The following ZNF407 variants were observed in gnomAD, a reference collection of about 807,000 sequenced individuals.
The protein encoded by ZNF407 is zinc finger protein 407.
Under a neutral mutation model 131.2 loss-of-function variants are expected in ZNF407, and 17 were observed. The ratio of observed to expected loss-of-function variants is 0.13; its 90% CI spans 0.09 to 0.19. ZNF407 has a LOEUF of 0.19. Among genes scored for constraint, ZNF407 ranks in the 10% least tolerant of loss-of-function variants. The pLI is 1.00. For synonymous variants in ZNF407, 1,156 were observed against 1,062.0 expected, an observed-to-expected ratio of 1.09 and a Z score of -1.72; for missense variants, 2,681 against 2,830.6, an observed-to-expected ratio of 0.95 and a Z score of 1.20.
chr18:75,042,120 G>A (rs1973380911), intron 8 of ZNF407, among the ~76,000 whole-genome samples: 1 of 148,342 alleles, frequency 6.7e-6, no homozygotes, highest in Non-Finnish European at 1.5e-5. Context: ...CAGCTAATCT[G>A]GAACTCCTGG....
Position 75,064,223 on chromosome 18 carries a change from A to G in ZNF407, c.6502A>G (p.Thr2168Ala). ...CAGTGGCGGCTTCTCCGAGGGCACCACGCACTACATCCTGACAGAGCTGCC... is the reference window on the plus strand; with the variant it reads ...CAGTGGCGGCTTCTCCGAGGGCACCGCGCACTACATCCTGACAGAGCTGCC... ...ESSGGFSEGT[T>A]HYILTELPPG... Residue 2168 changes from threonine (T) to alanine (A), a missense_variant, in exon 9 of 9, where the codon ACG becomes GCG. Thr to Ala is a moderately conservative substitution (Grantham distance 58, BLOSUM62 0). Transcript: ENST00000299687. The G allele has an allele frequency of 6.2e-7, 1 of 1,607,014 alleles. No individual in the cohort carries two copies. Among genetic ancestry groups the G allele is most frequent in the Non-Finnish European group, 8.5e-7 (1 of 1,178,302 alleles).
At chr18:74,746,513 T>C (rs1968671969) in intron 3 of ZNF407, among the ~76,000 whole-genome samples, 1 of 152,188 alleles carries the variant, frequency 6.6e-6, no homozygotes, top group Admixed American at 6.5e-5. Context: ...CTTATATCCA[T>C]ATAAGAATGA....
intron 1 of ZNF407, among the ~76,000 whole-genome samples, chr18:74,617,544 A>G (rs1368320053): frequency 6.6e-6 from 1 of 151,930 alleles, no homozygotes; most frequent in Non-Finnish European, 1.5e-5. Flanking sequence ...AGTTCCCTCC[A>G]CCTTTTTTCT....
chr18:74,760,535 G>A (rs774503727), intron 3 of ZNF407, among the ~76,000 whole-genome samples: 4 of 152,112 alleles, frequency 2.6e-5, no homozygotes, highest in Non-Finnish European at 5.9e-5. Context: ...GACAGCTATG[G>A]TGGTAAACAG....
At chr18:74,731,165 T>G (rs1968285674) in intron 3 of ZNF407, among the ~76,000 whole-genome samples, 1 of 152,210 alleles carries the variant, frequency 6.6e-6, no homozygotes, top group Admixed American at 6.5e-5. Context: ...TAGCAATTTA[T>G]GTAAAAATAA....
At chr18:75,010,405 G>C (rs2122179298) in intron 8 of ZNF407, among the ~76,000 whole-genome samples, 1 of 152,228 alleles carries the variant, frequency 6.6e-6, no homozygotes, top group Middle Eastern at 3.4e-3. Flanking sequence ...TCACTCCAGG[G>C]TCATGTGTAC....
chr18:74,748,984 T>A (rs745898029), intron 3 of ZNF407, among the ~76,000 whole-genome samples: 6 of 152,086 alleles, frequency 3.9e-5, no homozygotes, highest in Non-Finnish European at 8.8e-5. Flanking sequence ...TTCATCAAAG[T>A]AATGAGGCGA....
At chr18:74,881,204 T>A (rs1447606997) in intron 6 of ZNF407, 85 bp downstream of exon 6, 2 of 1,251,594 alleles carry the variant, frequency 1.6e-6, no homozygotes, top group African/African-American at 3.0e-5. Flanking sequence ...CATCATTTAC[T>A]TTCCTTTTTA....
At chr18:74,747,751 C>T (rs568494538) in intron 3 of ZNF407, among the ~76,000 whole-genome samples, 261 of 152,192 alleles carry the variant, frequency 1.7e-3, no homozygotes, top group African/African-American at 6.1e-3. Flanking sequence ...CTCATATTAT[C>T]CTATCTCTTA....
intron 8 of ZNF407, among the ~76,000 whole-genome samples, chr18:75,001,116 C>T (rs1253061904): frequency 6.6e-6 from 1 of 152,128 alleles, no homozygotes; most frequent in Admixed American, 6.5e-5. Flanking sequence ...AGGGCCGGAG[C>T]CCAGCCTCCG....
intron 8 of ZNF407, among the ~76,000 whole-genome samples, chr18:75,032,771 TA>T (rs1448098173): frequency 2.2e-4 from 25 of 114,192 alleles, no homozygotes; most frequent in Admixed American, 1.3e-3. Context: ...GTGCTCAGAA[TA>T]GGGGGAAGAC....
chr18:74,814,176 C>A (rs542759567), intron 4 of ZNF407, among the ~76,000 whole-genome samples: 16 of 152,274 alleles, frequency 1.1e-4, no homozygotes, highest in Admixed American at 3.3e-4. Flanking sequence ...CCCTCTGTTG[C>A]CCAAGCCAGA....
intron 8 of ZNF407, among the ~76,000 whole-genome samples, chr18:74,970,246 C>T (rs761442101): frequency 2.6e-5 from 4 of 151,916 alleles, no homozygotes; most frequent in Non-Finnish European, 4.4e-5. Flanking sequence ...GGGACACAGC[C>T]AAACCATATC....
At chr18:74,644,882 C>G (rs1210235087) in intron 3 of ZNF407, among the ~76,000 whole-genome samples, 1 of 151,226 alleles carries the variant, frequency 6.6e-6, no homozygotes, top group African/African-American at 2.4e-5. Flanking sequence ...TTTTTTCTCT[C>G]TAGGTTGTTT....
intron 3 of ZNF407, among the ~76,000 whole-genome samples, chr18:74,676,207 T>A (rs954789510): frequency 6.6e-6 from 1 of 151,662 alleles, no homozygotes; most frequent in African/African-American, 2.4e-5. Context: ...TTCCTCAGCC[T>A]CAGCCTCCTG....
intron 3 of ZNF407, among the ~76,000 whole-genome samples, chr18:74,658,275 T>C (rs1985564301): frequency 6.6e-6 from 1 of 151,976 alleles, no homozygotes; most frequent in South Asian, 2.1e-4. Context: ...TGCGCCACCA[T>C]GCCCAGCTAA....
chr18:75,000,772 T>C (rs1972835944), intron 8 of ZNF407, among the ~76,000 whole-genome samples: 1 of 152,214 alleles, frequency 6.6e-6, no homozygotes, highest in Admixed American at 6.5e-5. Context: ...CCTGCCTATG[T>C]GCTCAACCTT....
At position 74,800,413 on chromosome 18, in the gene ZNF407, CA is replaced by C. The variant is rs1284465017; in HGVS notation, c.4877+18915del. On this transcript the variant is annotated intron_variant, in intron 4 of 8. Transcript: ENST00000299687. ...TTATTTTCAGATTTTTTCCAATAAA[CA>C]AAAGTTTAGTCACATTGTTCCCTCT... Among the ~76,000 whole-genome samples the C allele has an allele frequency of 3.9e-5, 6 of 152,042 alleles. No individual in the cohort carries two copies. The South Asian group carries it at 1.2e-3, about 32-fold the overall frequency.
chr18:74,814,330 C>T (rs1209080436), intron 4 of ZNF407, among the ~76,000 whole-genome samples: 3 of 151,950 alleles, frequency 2.0e-5, no homozygotes, highest in South Asian at 2.1e-4. Flanking sequence ...CACAAAGTCT[C>T]ACTATGTTGG....
Sources: allele counts gnomAD v4.1 joint callset (sites outside exome capture counted in the v4.1 genomes callset), GRCh38; gene constraint gnomAD v4.1.1; transcripts MANE v1.5; gene names NCBI Gene and HGNC (gene_info 2026-07-23, HGNC 2026-07-21).